The following POFUT4 variants were observed in gnomAD, a reference collection of about 807,000 sequenced individuals.
POFUT4 encodes GDP-fucose protein O-fucosyltransferase 4.
chr10:73,775,400 C>G, the POFUT4 span: 4 of 1,604,738 alleles, frequency 2.5e-6, no homozygotes, highest in African/African-American at 5.3e-5. Flanking sequence ...ATTTACTTCA[C>G]TTTGTCTTCC....
chr10:73,772,470 T>C, the POFUT4 span: 1 of 1,551,000 alleles, frequency 6.4e-7, no homozygotes, highest in Non-Finnish European at 8.7e-7. Context: ...GATGGCGCGG[T>C]TTTCCGGCCG....
the POFUT4 span, chr10:73,775,771 C>G: frequency 7.6e-7 from 1 of 1,312,482 alleles, no homozygotes; most frequent in Non-Finnish European, 1.1e-6. Context: ...TGCACAAACC[C>G]TTAATGAACA....
chr10:73,775,493 A>G, the POFUT4 span: 13 of 1,614,234 alleles, frequency 8.1e-6, no homozygotes, highest in African/African-American at 2.7e-5. Flanking sequence ...GGCAGGACTC[A>G]TAACTATGCT....
chr10:73,775,367 CCTGTCGCTTGGG>C, the POFUT4 span: 16 of 1,508,436 alleles, frequency 1.1e-5, no homozygotes, highest in Admixed American at 2.4e-4. Context: ...TGACTTACTG[CCTGTCGCTTGGG>C]CTTATATTGG....
chr10:73,772,843 C>T, the POFUT4 span: 5 of 1,612,256 alleles, frequency 3.1e-6, no homozygotes, highest in Admixed American at 3.3e-5. Context: ...TTACCTCCAC[C>T]TTCAGTCGCC....
chr10:73,773,673 C>T, the POFUT4 span: 24 of 1,614,146 alleles, frequency 1.5e-5, no homozygotes, highest in Non-Finnish European at 4.2e-6. Flanking sequence ...CGAACTGGCT[C>T]GGCTGGATGC....
the POFUT4 span, chr10:73,775,275 C>A: frequency 3.6e-4 from 271 of 745,408 alleles, 1 homozygote; most frequent in African/African-American, 4.1e-3. Context: ...TGCCTCTGAA[C>A]CCCCTCCACA....
chr10:73,775,610 C>A, the POFUT4 span: 2 of 1,614,164 alleles, frequency 1.2e-6, no homozygotes, highest in East Asian at 4.5e-5. Context: ...CTGCCATGAT[C>A]CACAACAATG....
chr10:73,776,375 C>T, the POFUT4 span, among the ~76,000 whole-genome samples: 19 of 151,836 alleles, frequency 1.3e-4, no homozygotes, highest in African/African-American at 2.4e-5. Flanking sequence ...CCACCTCACC[C>T]AGCCCTAATT....
the POFUT4 span, chr10:73,772,573 G>A: frequency 6.3e-7 from 1 of 1,588,234 alleles, no homozygotes; most frequent in African/African-American, 1.4e-5. Context: ...TACTGCTGTG[G>A]TGGAGCCCAG....
the POFUT4 span, chr10:73,772,586 C>A: frequency 1.6e-5 from 25 of 1,585,004 alleles, no homozygotes; most frequent in Non-Finnish European, 2.0e-5. Context: ...GAGCCCAGGG[C>A]TATTCCCCCA....
chr10:73,779,085 A>AC, the POFUT4 span: 17,421 of 151,502 alleles, frequency 0.11, 1,123 homozygotes, highest in South Asian at 0.19. Context: ...AAAAAAAAAA[A>AC]AAAAAAAAAC....
the POFUT4 span, chr10:73,772,795 C>T: frequency 1.9e-6 from 3 of 1,611,570 alleles, no homozygotes; most frequent in Non-Finnish European, 2.5e-6. Context: ...TCAACAACTT[C>T]TTGCTGAGCC....
the POFUT4 span, chr10:73,774,230 T>G: frequency 0.14 from 21,889 of 160,612 alleles, 1,558 homozygotes; most frequent in South Asian, 0.19. Flanking sequence ...GGAAATGGGG[T>G]TGGGCAGTAG....
chr10:73,773,727 G>A, the POFUT4 span: 1 of 1,614,052 alleles, frequency 6.2e-7, no homozygotes, highest in African/African-American at 1.3e-5. Context: ...CCCCGTCTTT[G>A]AGCCCCACAT....
At chr10:73,772,665 C>A in the POFUT4 span, 1 of 1,557,240 alleles carries the variant, frequency 6.4e-7, no homozygotes, top group East Asian at 2.4e-5. Context: ...AACCGCCGAG[C>A]GCTGAGGGAC....
chr10:73,776,536 C>T, the POFUT4 span, among the ~76,000 whole-genome samples: 6 of 152,186 alleles, frequency 3.9e-5, no homozygotes, highest in South Asian at 8.3e-4. Flanking sequence ...AAAGAATTAG[C>T]AGGGCATGGT....
At chr10:73,772,736 C>T in the POFUT4 span, 4 of 1,597,120 alleles carry the variant, frequency 2.5e-6, no homozygotes, top group East Asian at 2.3e-5. Context: ...CGCCCCGCTG[C>T]CGCGCCTGGC....
chr10:73,772,595 C>T, the POFUT4 span: 8 of 1,576,576 alleles, frequency 5.1e-6, no homozygotes, highest in Middle Eastern at 1.7e-4. Flanking sequence ...GCTATTCCCC[C>T]ACTTCCCGGG....
Sources: allele counts gnomAD v4.1 joint callset (sites outside exome capture counted in the v4.1 genomes callset), GRCh38; gene constraint gnomAD v4.1.1; transcripts MANE v1.5; gene names NCBI Gene and HGNC (gene_info 2026-07-23, HGNC 2026-07-21).